The following SNX31 variants were observed in gnomAD, a reference collection of about 807,000 sequenced individuals.
SNX31 encodes sorting nexin 31, also known as sorting nexin-31.
Under a neutral mutation model 65.4 loss-of-function variants are expected in SNX31, and 58 were observed. That is an observed-to-expected ratio of 0.89 (90% CI 0.72 to 1.10). The LOEUF (loss-of-function observed/expected upper bound fraction) is 1.10, where lower values mean the gene tolerates loss of function less well. Ranked by LOEUF, SNX31 falls within the 50% of genes least tolerant of loss-of-function variation. The pLI is 0.00. For synonymous variants in SNX31, 181 were observed against 190.1 expected, an observed-to-expected ratio of 0.95 and a Z score of 0.39; for missense variants, 523 against 529.7, an observed-to-expected ratio of 0.99 and a Z score of 0.12.
chr8:100,641,566 ATATATATATATAT>A (rs1240566221), intron 2 of SNX31, among the ~76,000 whole-genome samples: 553 of 19,018 alleles, frequency 0.029, 27 homozygotes, highest in African/African-American at 0.093. Flanking sequence ...AAAAAAAAAA[ATATATATATATAT>A]ATATATATAT....
At chr8:100,624,420 A>G (rs1253198675) in intron 4 of SNX31, among the ~76,000 whole-genome samples, 1 of 152,190 alleles carries the variant, frequency 6.6e-6, no homozygotes, top group East Asian at 1.9e-4. Flanking sequence ...AATCCTTTTA[A>G]TCACTATTTC....
intron 4 of SNX31, among the ~76,000 whole-genome samples, chr8:100,620,886 G>A (rs531715097): frequency 6.6e-6 from 1 of 152,190 alleles, no homozygotes; most frequent in East Asian, 1.9e-4. Flanking sequence ...GATCACCTGA[G>A]GTCGGCAGAT....
rs1190600695 is a variant in SNX31, at chr8:100,588,801, C to T, written c.1092+65G>A. 1 of 1,237,732 alleles carries T rather than the reference C, an allele frequency of 8.1e-7. No homozygotes were observed. The highest frequency in any genetic ancestry group is 1.2e-6 in the Non-Finnish European group (1 of 846,030). 76.7% of individuals were successfully genotyped at this position (1,237,732 alleles called of 1,614,324 possible). ...GTTGGGTTAGGGTCATGTGCTTCAT[C>T]CACCCCAGCAAGCAAGACAGCATTT... On this transcript the variant is annotated intron_variant, in intron 11 of 13. Coordinates refer to ENST00000311812, the MANE Select transcript of SNX31 (RefSeq NM_152628.4). The surrounding 1 kb of genome is among the most constrained non-coding windows in gnomAD (Gnocchi z 4.8).
upstream of SNX31, among the ~76,000 whole-genome samples, chr8:100,652,349 T>C (rs948175841): frequency 1.3e-5 from 2 of 152,170 alleles, no homozygotes; most frequent in Non-Finnish European, 2.9e-5. Flanking sequence ...CAATCCTATA[T>C]TGTTTCCAAG....
chr8:100,577,943 T>C (rs1813183311), intron 12 of SNX31, among the ~76,000 whole-genome samples: 1 of 152,256 alleles, frequency 6.6e-6, no homozygotes, highest in Non-Finnish European at 1.5e-5. Flanking sequence ...TTGGCTTTCC[T>C]GGACCACACT....
Position 100,635,222 on chromosome 8 carries a change from T to TTTTATTTATTTATTTA in SNX31, c.256+659_256+674dup, listed in dbSNP as rs140014187. On this transcript the variant is annotated intron_variant, in intron 3 of 13. Coordinates refer to ENST00000311812, the MANE Select transcript of SNX31 (RefSeq NM_152628.4). ...GGGCAACATAGTGAGACCTCATCTC[T>TTTTATTTATTTATTTA]TTTATTTATTTATTTATTTATTTTT... Among the ~76,000 whole-genome samples the TTTTATTTATTTATTTA allele has an allele frequency of 7.6e-3, 1,137 of 149,754 alleles. 11 individuals carry two copies. Among genetic ancestry groups the TTTTATTTATTTATTTA allele is most frequent in the African/African-American group, 0.025 (1,034 of 40,686 alleles).
chr8:100,586,704 C>CTTTTT (rs1814082325), intron 11 of SNX31, among the ~76,000 whole-genome samples: 1 of 152,154 alleles, frequency 6.6e-6, no homozygotes, highest in African/African-American at 2.4e-5. Flanking sequence ...TGGTTTAGTA[C>CTTTTT]TTCATGTTTT....
intron 1 of SNX31, among the ~76,000 whole-genome samples, chr8:100,659,353 CAAAAAAAAAAA>C (rs148671568): frequency 1.2e-3 from 84 of 71,454 alleles, no homozygotes; most frequent in African/African-American, 3.6e-3. Context: ...AACTCCATCA[CAAAAAAAAAAA>C]AAAAAAAAAA....
chr8:100,614,840 T>C lies in SNX31; in HGVS notation c.433-1755A>G, dbSNP rs1452079180. Among the ~76,000 whole-genome samples, 11 of 152,060 alleles carry C rather than the reference T, an allele frequency of 7.2e-5. No individual in the cohort carries two copies. The highest frequency in any genetic ancestry group is 1.3e-4 in the Non-Finnish European group (9 of 68,008). On this transcript the variant is annotated intron_variant, in intron 5 of 13. Transcript: ENST00000311812. The surrounding 1 kb of genome is among the most constrained non-coding windows in gnomAD (Gnocchi z 5.1). ...GTTGCAGTGAGCCAAGATTGTACCA[T>C]TGCATTCCAGCCTAGGCAACAAGAG...
chr8:100,602,952 G>A (rs1310162005), intron 8 of SNX31, among the ~76,000 whole-genome samples: 1 of 152,196 alleles, frequency 6.6e-6, no homozygotes. Context: ...GTTCTGTGGG[G>A]AGGAACAATA....
At chr8:100,602,358 G>T (rs1815722058) in intron 8 of SNX31, among the ~76,000 whole-genome samples, 1 of 152,144 alleles carries the variant, frequency 6.6e-6, no homozygotes, top group African/African-American at 2.4e-5. Context: ...AACAATATTT[G>T]TTGAAAACTT....
Position 100,588,830 on chromosome 8 carries a change from C to A in SNX31, c.1092+36G>T. The A allele has an allele frequency of 1.3e-6, 2 of 1,485,138 alleles. No individual in the cohort carries two copies. The highest frequency in any genetic ancestry group is 1.7e-5 in the Admixed American group (1 of 59,554). 92.0% of individuals were successfully genotyped at this position (1,485,138 alleles called of 1,614,324 possible). On this transcript the variant is annotated intron_variant, in intron 11 of 13. Coordinates refer to ENST00000311812, the MANE Select transcript of SNX31 (RefSeq NM_152628.4). This position sits in a 1 kb window ranked among gnomAD's most constrained non-coding sequence, Gnocchi z 4.8. ...CCCAGCAAGCAAGACAGCATTTCAG[C>A]ACAGAGGGTGTTCAAGGTCTGCCCT...
At chr8:100,595,379 C>T (rs1307234734) in intron 10 of SNX31, among the ~76,000 whole-genome samples, 1 of 150,772 alleles carries the variant, frequency 6.6e-6, no homozygotes, top group East Asian at 1.9e-4. Context: ...TGTAATCTCA[C>T]CTCACTGCAG....
At position 100,588,765 on chromosome 8, in the gene SNX31, G is replaced by T. The variant is rs901300711; in HGVS notation, c.1092+101C>A. ...ACGAGAGTGCATAGAACACTTTAGG[G>T]TCCTGCTCTAGTTGGGTTAGGGTCA... On this transcript the variant is annotated intron_variant, in intron 11 of 13. Transcript: ENST00000311812. The surrounding 1 kb of genome is among the most constrained non-coding windows in gnomAD (Gnocchi z 4.8). The T allele has an allele frequency of 3.9e-6, 3 of 761,122 alleles. No individual in the cohort carries two copies. The highest frequency in any genetic ancestry group is 3.5e-5 in the African/African-American group (2 of 57,210). The allele number at this position is 761,122 out of a possible 1,614,324, so 47.1% of individuals were successfully genotyped here. A position where few individuals can be genotyped will look rare whatever the true frequency, so the allele number is the denominator to read the frequency against.
chr8:100,649,599 C>G lies in SNX31; in HGVS notation c.-85G>C, dbSNP rs1587106147. On this transcript the variant is annotated 5_prime_UTR_variant, in exon 1 of 14. Transcript: ENST00000311812. ...CGGCTCTGAACTCGGCAGCGGTGGACGCAGCGCGGCCTGCCACGCGACTCA... is the reference window on the plus strand; with the variant it reads ...CGGCTCTGAACTCGGCAGCGGTGGAGGCAGCGCGGCCTGCCACGCGACTCA... The G allele has an allele frequency of 5.3e-6, 7 of 1,326,846 alleles. No homozygotes were observed. The highest frequency in any genetic ancestry group is 7.3e-6 in the Non-Finnish European group (7 of 960,114). The allele number at this position is 1,326,846 out of a possible 1,614,324, so 82.2% of individuals were successfully genotyped here.
intron 11 of SNX31, among the ~76,000 whole-genome samples, chr8:100,586,989 T>G (rs1027268934): frequency 6.6e-6 from 1 of 152,208 alleles, no homozygotes; most frequent in Non-Finnish European, 1.5e-5. Flanking sequence ...CACTCCAATT[T>G]TAGTTAAAAG....
intron 10 of SNX31, among the ~76,000 whole-genome samples, chr8:100,591,169 T>C (rs575228000): frequency 6.6e-6 from 1 of 152,112 alleles, no homozygotes; most frequent in Non-Finnish European, 1.5e-5. Flanking sequence ...GGAAAGAACA[T>C]CTGGAAAGCA....
At chr8:100,574,024 A>G in intron 13 of SNX31, 64 bp from the exon 14 acceptor site, 2 of 983,970 alleles carry the variant, frequency 2.0e-6, no homozygotes, top group South Asian at 3.3e-5. Context: ...AACAATAACA[A>G]AGTCACAGAG....
At position 100,649,260 on chromosome 8, in the gene SNX31, T is replaced by C; in HGVS notation, c.141+14A>G. The C allele has an allele frequency of 1.9e-6, 3 of 1,613,442 alleles. No homozygotes were observed. The highest frequency in any genetic ancestry group is 1.3e-5 in the African/African-American group (1 of 75,042). On this transcript the variant is annotated intron_variant, in intron 2 of 13. Coordinates refer to ENST00000311812, the MANE Select transcript of SNX31 (RefSeq NM_152628.4). Reference sequence around the variant, plus strand: ...CTCAGTGGATGGGCTCGTACCCGCCTCCAATCTGCTCACCTGTTCGTTCCA... The same window carrying C: ...CTCAGTGGATGGGCTCGTACCCGCCCCCAATCTGCTCACCTGTTCGTTCCA...
Sources: allele counts gnomAD v4.1 joint callset (sites outside exome capture counted in the v4.1 genomes callset), GRCh38; gene constraint gnomAD v4.1.1; non-coding constraint Gnocchi (gnomAD v3.1); transcripts MANE v1.5; gene names NCBI Gene and HGNC (gene_info 2026-07-23, HGNC 2026-07-21).